Variants in MAN1A2 observed in about 807,000 individuals in gnomAD.
The protein encoded by MAN1A2 is mannosyl-oligosaccharide 1,2-alpha-mannosidase IB.
In MAN1A2, 26 loss-of-function variants were observed where a neutral mutation model predicts 75.7. That is an observed-to-expected ratio of 0.34 (90% CI 0.25 to 0.48). MAN1A2 has a LOEUF of 0.48. Ranked by LOEUF, MAN1A2 falls within the 20% of genes least tolerant of loss-of-function variation. MAN1A2 has a pLI of 0.99. For missense variants in MAN1A2, 562 were observed against 775.5 expected (o/e 0.72, Z 3.27); for synonymous variants, 247 against 264.6 (o/e 0.93, Z 0.65).
At chr1:117,450,549 C>G (rs546843774) in intron 6 of MAN1A2, among the ~76,000 whole-genome samples, 1 of 152,290 alleles carries the variant, frequency 6.6e-6, no homozygotes, top group South Asian at 2.1e-4. Flanking sequence ...GCAAATGTCT[C>G]CAGGGCATGT....
At chr1:117,435,342 G>C (rs986612262) in intron 5 of MAN1A2, among the ~76,000 whole-genome samples, 1 of 152,178 alleles carries the variant, frequency 6.6e-6, no homozygotes, top group African/African-American at 2.4e-5. Context: ...AGGAAGCAGG[G>C]AGATTATAGG....
chr1:117,469,986 A>G (rs922666519), intron 8 of MAN1A2, among the ~76,000 whole-genome samples: 2 of 152,160 alleles, frequency 1.3e-5, no homozygotes, highest in Non-Finnish European at 2.9e-5. Flanking sequence ...AGAAGATTTG[A>G]AAACAGAGAC....
intron 4 of MAN1A2, among the ~76,000 whole-genome samples, chr1:117,420,027 T>C (rs1223042172): frequency 6.6e-6 from 1 of 152,076 alleles, no homozygotes; most frequent in East Asian, 1.9e-4. Flanking sequence ...AAATTAGTAT[T>C]TATGTTAATT....
chr1:117,413,331 C>G (rs1424655743), intron 3 of MAN1A2, among the ~76,000 whole-genome samples: 1 of 151,732 alleles, frequency 6.6e-6, no homozygotes, highest in African/African-American at 2.4e-5. Context: ...AAATTAAGAA[C>G]AACCATCATA....
chr1:117,382,663 G>A lies in MAN1A2; in HGVS notation c.302+14178G>A, dbSNP rs1653384714. ...TGGCTTAGGATTGACTTGGCGATGC[G>A]GGCTCTTTTTTGGTTCCATATGAAC... On this transcript the variant is annotated intron_variant, in intron 1 of 12. Coordinates refer to ENST00000356554, the MANE Select transcript of MAN1A2 (RefSeq NM_006699.5). Among the ~76,000 whole-genome samples the A allele has an allele frequency of 3.3e-5, 5 of 152,052 alleles. No homozygotes were observed. In the South Asian group the frequency reaches 6.2e-4, roughly 19 times the overall value.
intron 8 of MAN1A2, among the ~76,000 whole-genome samples, chr1:117,476,662 G>A (rs555616289): frequency 2.0e-5 from 3 of 151,922 alleles, no homozygotes; most frequent in Non-Finnish European, 2.9e-5. Context: ...AAGATCAGAT[G>A]GTTGTAGATG....
chr1:117,444,753 A>G (rs756752398), intron 6 of MAN1A2, among the ~76,000 whole-genome samples: 2 of 152,044 alleles, frequency 1.3e-5, no homozygotes, highest in Non-Finnish European at 2.9e-5. Flanking sequence ...TGTAGATTAT[A>G]TAATTAATTC....
intron 1 of MAN1A2, among the ~76,000 whole-genome samples, chr1:117,393,605 G>T (rs1225709031): frequency 6.6e-6 from 1 of 151,932 alleles, no homozygotes; most frequent in Admixed American, 6.6e-5. Context: ...TTTAGTATTG[G>T]CCATTGTTAC....
intron 5 of MAN1A2, among the ~76,000 whole-genome samples, chr1:117,429,751 G>C: frequency 8.9e-6 from 1 of 112,024 alleles, no homozygotes. Flanking sequence ...GGCTGGCCGG[G>C]CGGGGGGCTG....
chr1:117,435,795 T>C (rs988127993), intron 5 of MAN1A2, among the ~76,000 whole-genome samples: 6 of 152,210 alleles, frequency 3.9e-5, no homozygotes, highest in Non-Finnish European at 8.8e-5. Flanking sequence ...CGGTGGCTCA[T>C]GCCTGTAATC....
In MAN1A2 at chr1:117,526,384, ATAAAT is replaced by A. The variant is rs1652020033; in HGVS notation, c.*3432_*3436del. 3 of 151,832 alleles carry A rather than the reference ATAAAT, an allele frequency of 2.0e-5. No homozygotes were observed. Among genetic ancestry groups the A allele is most frequent in the Non-Finnish European group, 2.9e-5 (2 of 67,824 alleles). 9.4% of individuals were successfully genotyped at this position (151,832 alleles called of 1,614,324 possible). A position where few individuals can be genotyped will look rare whatever the true frequency, so the allele number is the denominator to read the frequency against. ...CAAAATTCTTAATTTTATATTTCAT[ATAAAT>A]TAAAGAGGAAAAAGAAAAGGTTTAT... On this transcript the variant is annotated 3_prime_UTR_variant, in exon 13 of 13. Coordinates refer to ENST00000356554, the MANE Select transcript of MAN1A2 (RefSeq NM_006699.5).
intron 3 of MAN1A2, among the ~76,000 whole-genome samples, chr1:117,411,751 A>G (rs916277477): frequency 8.6e-5 from 13 of 151,936 alleles, no homozygotes; most frequent in African/African-American, 3.1e-4. Context: ...AAGCAGGGAA[A>G]GTAAAATTCA....
chr1:117,421,239 G>A (rs1648177864), intron 5 of MAN1A2, among the ~76,000 whole-genome samples: 1 of 151,948 alleles, frequency 6.6e-6, no homozygotes, highest in African/African-American at 2.4e-5. Context: ...TAAAGGAAGA[G>A]GTTATAAGTC....
chr1:117,446,726 TAAGG>T (rs1649247315), intron 6 of MAN1A2, among the ~76,000 whole-genome samples: 1 of 151,436 alleles, frequency 6.6e-6, no homozygotes, highest in South Asian at 2.1e-4. Context: ...ATACACTTGA[TAAGG>T]AAGTGTATTC....
intron 4 of MAN1A2, among the ~76,000 whole-genome samples, chr1:117,420,202 A>C (rs559969075): frequency 6.6e-6 from 1 of 152,198 alleles, no homozygotes; most frequent in Admixed American, 6.5e-5. Flanking sequence ...GAACAGAAGA[A>C]AAAGGACCAC....
At chr1:117,477,969 A>G (rs761056924) in intron 8 of MAN1A2, among the ~76,000 whole-genome samples, 1 of 152,110 alleles carries the variant, frequency 6.6e-6, no homozygotes, top group Non-Finnish European at 1.5e-5. Context: ...AAAAATCACA[A>G]GCATTTCTGT....
chr1:117,517,785 C>T (rs1440318971), intron 12 of MAN1A2, among the ~76,000 whole-genome samples: 2 of 151,620 alleles, frequency 1.3e-5, no homozygotes, highest in South Asian at 2.1e-4. Flanking sequence ...AACTATTTAC[C>T]CACAGGTCCA....
rs1647473142 is a variant in MAN1A2, at chr1:117,402,504, T to C, written c.558+63T>C. On this transcript the variant is annotated intron_variant, in intron 2 of 12. Transcript: ENST00000356554. ...ATTTGTATTTGGATACAAACAAATATATATAATCTATGGTATCCTGTTTTG... is the reference window on the plus strand; with the variant it reads ...ATTTGTATTTGGATACAAACAAATACATATAATCTATGGTATCCTGTTTTG... 10 of 1,414,012 alleles carry C rather than the reference T, an allele frequency of 7.1e-6. No individual in the cohort carries two copies. The African/African-American group carries it at 7.2e-5, about 10-fold the overall frequency. 87.6% of individuals were successfully genotyped at this position (1,414,012 alleles called of 1,614,324 possible).
At chr1:117,402,490 G>T (rs200949795) in intron 2 of MAN1A2, 49 bp downstream of exon 2, 42 of 1,477,708 alleles carry the variant, frequency 2.8e-5, no homozygotes, top group Non-Finnish European at 3.6e-5. Flanking sequence ...TTTGTATTTG[G>T]ATACAAACAA....
Sources: allele counts gnomAD v4.1 joint callset (sites outside exome capture counted in the v4.1 genomes callset), GRCh38; gene constraint gnomAD v4.1.1; transcripts MANE v1.5; gene names NCBI Gene and HGNC (gene_info 2026-07-23, HGNC 2026-07-21).